Variants in ACBD3 observed in about 807,000 individuals in gnomAD.
The protein encoded by ACBD3 is Golgi resident protein GCP60.
ACBD3 carries 30 observed loss-of-function variants against 66.9 expected under a neutral mutation model. The ratio of observed to expected loss-of-function variants is 0.45; its 90% confidence interval spans 0.34 to 0.61. The LOEUF is 0.61. ACBD3 is among the 20% of genes least tolerant of loss of function. ACBD3 has a pLI of 0.02. For missense variants in ACBD3, 544 were observed against 664.5 expected, an observed-to-expected ratio of 0.82 and a Z score of 1.99; for synonymous variants, 278 against 259.8, an observed-to-expected ratio of 1.07 and a Z score of -0.68.
intron 1 of ACBD3, among the ~76,000 whole-genome samples, chr1:226,170,842 C>T (rs1659980936): frequency 1.3e-5 from 2 of 152,032 alleles, no homozygotes; most frequent in Admixed American, 1.3e-4. Flanking sequence ...GGCAGTGGCA[C>T]GATCACAGCT....
intron 1 of ACBD3, among the ~76,000 whole-genome samples, chr1:226,184,838 G>A (rs11583736): frequency 0.011 from 1,671 of 145,340 alleles, 14 homozygotes; most frequent in Non-Finnish European, 0.019. Flanking sequence ...TTTGCTCGTC[G>A]CCCAGGCTGG....
Position 226,186,493 on chromosome 1 carries a change from C to T in ACBD3, c.183G>A (p.Gly61=). 6.7e-7 allele frequency: 1 copy of T among 1,486,254 alleles called. No homozygotes were observed. The highest frequency in any genetic ancestry group is 3.0e-5 in the East Asian group (1 of 33,598). The allele number at this position is 1,486,254 out of a possible 1,614,324, so 92.1% of individuals were successfully genotyped here. A position where few individuals can be genotyped will look rare whatever the true frequency, so the allele number is the denominator to read the frequency against. ...PGASGEQPEP[G]EAAAGGAAEE... ...CCGCCGCGCCCCCAGCCGCCGCCTC[C>T]CCGGGCTCGGGCTGCTCCCCTGAGG... Residue 61 remains glycine (G), a synonymous_variant, in exon 1 of 8, where the codon GGG becomes GGA. Transcript: ENST00000366812.
intron 1 of ACBD3, 65 bp from the exon 2 acceptor site, chr1:226,166,065 T>C: frequency 6.7e-7 from 1 of 1,503,424 alleles, no homozygotes; most frequent in Non-Finnish European, 8.9e-7. Flanking sequence ...TTCAGCATTA[T>C]ATACTAAAGC....
At chr1:226,168,873 A>T (rs547826619) in intron 1 of ACBD3, among the ~76,000 whole-genome samples, 2 of 152,250 alleles carry the variant, frequency 1.3e-5, no homozygotes, top group South Asian at 4.1e-4. Context: ...CTCACTTTTT[A>T]TTTGAGACGG....
At chr1:226,158,359 G>A (rs1659712167) in intron 5 of ACBD3, among the ~76,000 whole-genome samples, 1 of 152,116 alleles carries the variant, frequency 6.6e-6, no homozygotes, top group African/African-American at 2.4e-5. Flanking sequence ...GTTTAAGGAG[G>A]TATTTTATGC....
chr1:226,167,775 G>A, intron 1 of ACBD3, among the ~76,000 whole-genome samples: 1 of 151,952 alleles, frequency 6.6e-6, no homozygotes, highest in Non-Finnish European at 1.5e-5. Flanking sequence ...AAGAACAGCA[G>A]GAAACTCAGA....
chr1:226,153,554 G>A (rs1043787792), intron 6 of ACBD3, among the ~76,000 whole-genome samples: 18 of 152,090 alleles, frequency 1.2e-4, no homozygotes, highest in Non-Finnish European at 5.9e-5. Context: ...TTCTCTCAAA[G>A]ATAATGTACC....
intron 1 of ACBD3, among the ~76,000 whole-genome samples, chr1:226,177,164 GTTT>G (rs35506283): frequency 2.7e-4 from 35 of 130,412 alleles, no homozygotes; most frequent in Admixed American, 9.4e-4. Flanking sequence ...CCATGTAGCT[GTTT>G]TTTTTTTTTT....
intron 1 of ACBD3, among the ~76,000 whole-genome samples, chr1:226,171,151 AT>A (rs34857781): frequency 2.8e-4 from 41 of 144,592 alleles, no homozygotes; most frequent in African/African-American, 7.1e-4. Context: ...TAAGTAAACA[AT>A]TTTTTTTTTT....
intron 1 of ACBD3, among the ~76,000 whole-genome samples, chr1:226,181,623 T>G (rs538326221): frequency 2.0e-5 from 3 of 152,146 alleles, no homozygotes; most frequent in Admixed American, 6.6e-5. Context: ...TCTTGGAGGA[T>G]TAAACAAAAT....
intron 1 of ACBD3, among the ~76,000 whole-genome samples, chr1:226,171,059 C>G (rs929379535): frequency 6.6e-6 from 1 of 151,996 alleles, no homozygotes. Flanking sequence ...ATTATAGACA[C>G]GAGCCACCAT....
At chr1:226,179,155 T>A (rs1656117033) in intron 1 of ACBD3, among the ~76,000 whole-genome samples, 1 of 152,220 alleles carries the variant, frequency 6.6e-6, no homozygotes, top group Admixed American at 6.5e-5. Flanking sequence ...TTGAAATCTG[T>A]TTTGTTATCA....
At chr1:226,183,552 C>T (rs959369918) in intron 1 of ACBD3, among the ~76,000 whole-genome samples, 6 of 152,240 alleles carry the variant, frequency 3.9e-5, no homozygotes, top group African/African-American at 1.4e-4. Flanking sequence ...TTAAAAGTCC[C>T]AGCAAGACTG....
At chr1:226,174,406 CACAG>C (rs1285785709) in intron 1 of ACBD3, among the ~76,000 whole-genome samples, 2 of 152,144 alleles carry the variant, frequency 1.3e-5, no homozygotes, top group Admixed American at 6.6e-5. Context: ...ATAGATTGAA[CACAG>C]ACAATTACCT....
At position 226,157,871 on chromosome 1, in the gene ACBD3, A is replaced by G. The variant is rs1441518767; in HGVS notation, c.903+1313T>C. ...ATTATGGCTTTCTAGTTTTGTTTCA[A>G]AGATTTGCGGTTTTGTCCTATTTGA... On this transcript the variant is annotated intron_variant, in intron 5 of 7. Transcript: ENST00000366812. 3.3e-5 allele frequency among the ~76,000 whole-genome samples: 5 copies of G among 152,214 alleles called. No homozygotes were observed. In the East Asian group the frequency reaches 9.6e-4, roughly 29 times the overall value.
intron 1 of ACBD3, among the ~76,000 whole-genome samples, chr1:226,169,303 C>A (rs563371737): frequency 1.5e-3 from 233 of 150,520 alleles, no homozygotes; most frequent in East Asian, 7.8e-3. Context: ...GCTGGAGTGC[C>A]GTGGTGCGAT....
intron 1 of ACBD3, among the ~76,000 whole-genome samples, chr1:226,167,190 G>A (rs1040396850): frequency 8.5e-5 from 13 of 152,162 alleles, no homozygotes; most frequent in African/African-American, 2.9e-4. Context: ...CTTTTAACAT[G>A]ATCATGCATA....
At chr1:226,147,852 T>C (rs553475254) in intron 7 of ACBD3, among the ~76,000 whole-genome samples, 1 of 152,192 alleles carries the variant, frequency 6.6e-6, no homozygotes, top group Non-Finnish European at 1.5e-5. Flanking sequence ...AAGTCACAGT[T>C]TAACATATTT....
At chr1:226,154,363 G>A (rs1004460929) in intron 6 of ACBD3, among the ~76,000 whole-genome samples, 2 of 151,754 alleles carry the variant, frequency 1.3e-5, no homozygotes, top group Admixed American at 6.6e-5. Context: ...ATGAGCCACT[G>A]CGCCCAGCCT....
Sources: gnomAD v4.1 joint callset for allele counts (sites outside exome capture counted in the v4.1 genomes callset) on GRCh38, gnomAD v4.1.1 for gene constraint, MANE v1.5 for transcripts, NCBI Gene and HGNC (gene_info 2026-07-23, HGNC 2026-07-21) for gene names.